The following SLC26A7 variants were observed in gnomAD, a reference collection of about 807,000 sequenced individuals.
SLC26A7 encodes the protein solute carrier family 26 member 7, also known as anion exchange transporter.
Under a neutral mutation model 82.5 loss-of-function variants are expected in SLC26A7, and 59 were observed. That is an observed-to-expected ratio of 0.72 (90% CI 0.58 to 0.89). The LOEUF is 0.89. SLC26A7 is among the 40% of genes least tolerant of loss of function. The pLI, the probability that SLC26A7 is intolerant of heterozygous loss-of-function variation, is 0.00. For synonymous variants in SLC26A7, 271 were observed against 274.3 expected (o/e 0.99, Z 0.12); for missense variants, 820 against 793.0 (o/e 1.03, Z -0.41).
chr8:91,238,325 A>G, intron 2 of SLC26A7, among the ~76,000 whole-genome samples: 1 of 152,002 alleles, frequency 6.6e-6, no homozygotes. Context: ...GAATAAGTTG[A>G]TGAGCTCCCT....
intron 9 of SLC26A7, among the ~76,000 whole-genome samples, chr8:91,349,692 A>G (rs1052878148): frequency 6.6e-6 from 1 of 152,142 alleles, no homozygotes; most frequent in African/African-American, 2.4e-5. Context: ...AGTAATTGCA[A>G]CTGCATGTGT....
chr8:91,391,975 G>A (rs16912765), intron 16 of SLC26A7, among the ~76,000 whole-genome samples: 8,160 of 152,122 alleles, frequency 0.054, 313 homozygotes, highest in African/African-American at 0.11. Context: ...ACTGAGTTTA[G>A]GATCCATGGC....
intron 9 of SLC26A7, among the ~76,000 whole-genome samples, chr8:91,345,275 T>G (rs977395372): frequency 1.3e-5 from 2 of 152,174 alleles, no homozygotes. Flanking sequence ...TCCTGGTTTC[T>G]TACCAGAGTG....
intron 4 of SLC26A7, among the ~76,000 whole-genome samples, chr8:91,303,474 A>G (rs888785718): frequency 1.3e-5 from 2 of 152,168 alleles, no homozygotes; most frequent in Non-Finnish European, 2.9e-5. Context: ...GCACTGAGAA[A>G]GGTGTATTCA....
chr8:91,376,590 G>A (rs191955631), intron 15 of SLC26A7, among the ~76,000 whole-genome samples: 1 of 152,254 alleles, frequency 6.6e-6, no homozygotes, highest in Admixed American at 6.5e-5. Context: ...ATCTTCTGCA[G>A]GGCTGAGGGT....
chr8:91,346,499 G>C (rs1328989220), intron 9 of SLC26A7, among the ~76,000 whole-genome samples: 2 of 152,188 alleles, frequency 1.3e-5, no homozygotes, highest in South Asian at 2.1e-4. Context: ...CCCATAAATT[G>C]ATGTAGATGA....
intron 2 of SLC26A7, among the ~76,000 whole-genome samples, chr8:91,279,696 A>G (rs942744471): frequency 6.6e-6 from 1 of 152,014 alleles, no homozygotes; most frequent in African/African-American, 2.4e-5. Flanking sequence ...AGTAGCTGGG[A>G]CTATAGGCGT....
At position 91,301,571 on chromosome 8, in the gene SLC26A7, T is replaced by G. The variant is rs533189966; in HGVS notation, c.477+5868T>G. Among the ~76,000 whole-genome samples, 9 of 152,214 alleles carry G rather than the reference T, an allele frequency of 5.9e-5. No individual in the cohort carries two copies. In the South Asian group the frequency reaches 1.9e-3, roughly 32 times the overall value. On this transcript the variant is annotated intron_variant, in intron 4 of 18. Transcript: ENST00000276609. The stretch of plus-strand genomic sequence containing the variant: ...TGTTTCAATGTTTTACCCTTTGATA[T>G]TTTCTATTTTTATATTTGTGCTTTT...
chr8:91,307,933 A>C (rs1812368242), intron 4 of SLC26A7, among the ~76,000 whole-genome samples: 1 of 152,166 alleles, frequency 6.6e-6, no homozygotes, highest in Non-Finnish European at 1.5e-5. Context: ...TTCTGGCCTC[A>C]AGCCATCCTT....
At chr8:91,255,071 C>T (rs1032188756) in intron 2 of SLC26A7, among the ~76,000 whole-genome samples, 12 of 152,090 alleles carry the variant, frequency 7.9e-5, no homozygotes, top group African/African-American at 2.9e-4. Flanking sequence ...AAAACTCAAG[C>T]ATTGAGACAG....
At chr8:91,279,572 A>T (rs1811509445) in intron 2 of SLC26A7, among the ~76,000 whole-genome samples, 2 of 151,638 alleles carry the variant, frequency 1.3e-5, no homozygotes, top group Non-Finnish European at 1.5e-5. Context: ...ATTTTATTTT[A>T]TTTTTTTGAG....
rs76253298 is a variant in SLC26A7, at chr8:91,254,250, G to A, written c.193+4406G>A. On this transcript the variant is annotated intron_variant, in intron 2 of 18. Transcript: ENST00000276609. ...TCACGCAGGGCCCACATCTCCATGC[G>A]GCAAAATCTGCAGGCCCTTAAGAGA... Among the ~76,000 whole-genome samples the A allele has an allele frequency of 1.5e-3, 235 of 152,118 alleles. 4 individuals are homozygous for A. In the East Asian group the frequency reaches 0.042, roughly 27 times the overall value.
chr8:91,329,878 A>G (rs890184633), intron 5 of SLC26A7, among the ~76,000 whole-genome samples: 26 of 152,104 alleles, frequency 1.7e-4, no homozygotes, highest in African/African-American at 6.3e-4. Context: ...TTGGATTTTT[A>G]TCCTGGGATT....
At chr8:91,300,009 A>T (rs1438838140) in intron 4 of SLC26A7, among the ~76,000 whole-genome samples, 1 of 152,226 alleles carries the variant, frequency 6.6e-6, no homozygotes, top group Non-Finnish European at 1.5e-5. Context: ...AATACAAGCT[A>T]CACTTCAGGG....
At chr8:91,349,428 G>T (rs1563692434) in intron 9 of SLC26A7, among the ~76,000 whole-genome samples, 2 of 152,056 alleles carry the variant, frequency 1.3e-5, no homozygotes, top group Non-Finnish European at 2.9e-5. Flanking sequence ...GTAAATAAAA[G>T]ATAAATTAAA....
intron 7 of SLC26A7, among the ~76,000 whole-genome samples, chr8:91,339,040 T>C (rs1221440825): frequency 6.6e-6 from 1 of 152,212 alleles, no homozygotes; most frequent in Non-Finnish European, 1.5e-5. Context: ...CTTTAGCACA[T>C]ATAGATATAG....
In SLC26A7 at chr8:91,318,211, C is replaced by T. The variant is rs1400082759; in HGVS notation, c.478-5C>T. 1 of 1,596,014 alleles carries T rather than the reference C, an allele frequency of 6.3e-7. No individual in the cohort carries two copies. The highest frequency in any genetic ancestry group is 2.3e-5 in the East Asian group (1 of 43,910). ...GTTCATCTCACTTCTCCCTTCTCCT[C>T]TTAGGTGGCCATGTTTGTGCTGCAA... On this transcript the variant is annotated splice_polypyrimidine_tract_variant and splice_region_variant and intron_variant, in intron 4 of 18. Transcript: ENST00000276609.
In SLC26A7 at chr8:91,313,041, A is replaced by G. The variant is rs112183292; in HGVS notation, c.478-5175A>G. On this transcript the variant is annotated intron_variant, in intron 4 of 18. Coordinates refer to ENST00000276609, the MANE Select transcript of SLC26A7 (RefSeq NM_052832.4). ...TTTTGGTGCCCATGCTTTTCATGTC[A>G]TATTAAAAATAGCACTGCCTAATCT... is the stretch of plus-strand genomic sequence containing the variant. Among the ~76,000 whole-genome samples the G allele has an allele frequency of 1.3e-3, 202 of 152,258 alleles. 2 individuals carry two copies. The highest frequency in any genetic ancestry group is 4.8e-3 in the African/African-American group (199 of 41,570).
chr8:91,336,743 C>A (rs375579294), intron 6 of SLC26A7, among the ~76,000 whole-genome samples: 3 of 152,022 alleles, frequency 2.0e-5, no homozygotes, highest in East Asian at 1.9e-4. Context: ...TAAAGAAATA[C>A]AGGGAGGAGG....
Sources: allele counts gnomAD v4.1 joint callset (sites outside exome capture counted in the v4.1 genomes callset), GRCh38; gene constraint gnomAD v4.1.1; transcripts MANE v1.5; gene names NCBI Gene and HGNC (gene_info 2026-07-23, HGNC 2026-07-21).